The following TRPS1 variants were observed in gnomAD, a reference collection of about 807,000 sequenced individuals.
TRPS1 encodes the protein zinc finger transcription factor Trps1.
In TRPS1, 6 loss-of-function variants were observed where a neutral mutation model predicts 101.2. That is an observed-to-expected ratio of 0.06 (90% CI 0.03 to 0.12). TRPS1 has a LOEUF of 0.12. TRPS1 is among the 10% of genes least tolerant of loss of function. TRPS1 has a pLI of 1.00. For synonymous variants in TRPS1, 578 were observed against 589.8 expected (o/e 0.98, Z 0.29); for missense variants, 1,363 against 1,567.0 (o/e 0.87, Z 2.20).
intron 1 of TRPS1, among the ~76,000 whole-genome samples, chr8:115,663,721 G>GAAAA (rs1201864123): frequency 0.07 from 5,341 of 76,616 alleles, 335 homozygotes; most frequent in African/African-American, 0.17. Flanking sequence ...CTTGGAAAAG[G>GAAAA]AAAAAAAAAA....
intron 1 of TRPS1, among the ~76,000 whole-genome samples, chr8:115,646,676 T>G (rs972883902): frequency 6.6e-6 from 1 of 152,148 alleles, no homozygotes; most frequent in African/African-American, 2.4e-5. Flanking sequence ...GTGTTTCTGG[T>G]GCTGTGCTTT....
chr8:115,613,572 C>T (rs1818217123), intron 3 of TRPS1, among the ~76,000 whole-genome samples: 1 of 152,204 alleles, frequency 6.6e-6, no homozygotes. Context: ...CGTGGCCTGT[C>T]TATCATGGTT....
chr8:115,515,291 A>G lies in TRPS1; in HGVS notation c.2700+71710T>C, dbSNP rs1563567189. 4 of 697,058 alleles carry G rather than the reference A, an allele frequency of 5.7e-6. No individual in the cohort carries two copies. In the South Asian group the frequency reaches 5.9e-5, roughly 10 times the overall value. 43.2% of individuals were successfully genotyped at this position (697,058 alleles called of 1,614,324 possible). ...CCAAGCAGATTCAAAAACCTAATGC[A>G]GTAACACGAAGAAGTACAGTAAAAA... On this transcript the variant is annotated intron_variant, in intron 5 of 6. Coordinates refer to ENST00000395715, the MANE Select transcript of TRPS1 (RefSeq NM_014112.5).
chr8:115,604,729 T>A lies in TRPS1; in HGVS notation c.1240A>T (p.Ile414Leu). The A allele has an allele frequency of 6.2e-7, 1 of 1,613,910 alleles. No individual in the cohort carries two copies. Among genetic ancestry groups the A allele is most frequent in the South Asian group, 1.1e-5 (1 of 91,084 alleles). Residue 414 changes from isoleucine (I) to leucine (L), a missense_variant, in exon 4 of 7, where the codon ATA becomes TTA. Transcript: ENST00000395715. This position sits in a 1 kb window ranked among gnomAD's most constrained non-coding sequence, Gnocchi z 4.1. ...SGDLGKWQDK[I>L]TVKAGDDTPV... Reference sequence around the variant, plus strand: ...GTGTCATCTCCTGCTTTGACTGTTATCTTGTCCTGCCATTTTCCCAAGTCT... The same window carrying A: ...GTGTCATCTCCTGCTTTGACTGTTAACTTGTCCTGCCATTTTCCCAAGTCT...
chr8:115,611,432 A>G (rs992895023), intron 3 of TRPS1, among the ~76,000 whole-genome samples: 6 of 152,220 alleles, frequency 3.9e-5, no homozygotes, highest in African/African-American at 1.4e-4. Context: ...AAAAAGAATG[A>G]CATAGTCAAA....
chr8:115,651,281 T>C (rs1170378063), intron 1 of TRPS1, among the ~76,000 whole-genome samples: 2 of 152,182 alleles, frequency 1.3e-5, no homozygotes, highest in Admixed American at 1.3e-4. Flanking sequence ...TAAATGACAT[T>C]AATCGATAAA....
intron 5 of TRPS1, among the ~76,000 whole-genome samples, chr8:115,578,204 T>C (rs1201712594): frequency 1.3e-5 from 2 of 152,224 alleles, no homozygotes; most frequent in Non-Finnish European, 2.9e-5. Context: ...ATTTTTTGAA[T>C]CTATCATTAA....
At chr8:115,533,960 T>C (rs1471947726) in intron 5 of TRPS1, among the ~76,000 whole-genome samples, 1 of 152,102 alleles carries the variant, frequency 6.6e-6, no homozygotes, top group African/African-American at 2.4e-5. Context: ...AATTACATCT[T>C]AAAAGCCCCA....
chr8:115,509,970 T>C lies in TRPS1; in HGVS notation c.2700+77031A>G, dbSNP rs373380342. On this transcript the variant is annotated intron_variant, in intron 5 of 6. Coordinates refer to ENST00000395715, the MANE Select transcript of TRPS1 (RefSeq NM_014112.5). ...AATATTGCAGTAGGATTAACCTGCA[T>C]GAAACATTTTTCTCATTTGTAAACA... Among the ~76,000 whole-genome samples, 34 of 152,142 alleles carry C rather than the reference T, an allele frequency of 2.2e-4. No individual in the cohort carries two copies. In the East Asian group the frequency reaches 3.3e-3, roughly 15 times the overall value.
At chr8:115,513,790 A>G (rs1815641875) in intron 5 of TRPS1, among the ~76,000 whole-genome samples, 1 of 151,572 alleles carries the variant, frequency 6.6e-6, no homozygotes, top group South Asian at 2.1e-4. Context: ...GAGTCTCCTG[A>G]TCCTCTCAAC....
chr8:115,563,262 C>A (rs1333377747), intron 5 of TRPS1, among the ~76,000 whole-genome samples: 3 of 151,818 alleles, frequency 2.0e-5, no homozygotes, highest in Non-Finnish European at 4.4e-5. Context: ...TTTTCTTCTA[C>A]TTTTCTGTTG....
At chr8:115,581,322 G>A (rs1302935390) in intron 5 of TRPS1, among the ~76,000 whole-genome samples, 3 of 152,096 alleles carry the variant, frequency 2.0e-5, no homozygotes, top group Non-Finnish European at 4.4e-5. Flanking sequence ...TAGACGGGAG[G>A]AGTAAGTTTC....
At position 115,587,048 on chromosome 8, in the gene TRPS1, C is replaced by G. The variant is rs1269185456; in HGVS notation, c.2653G>C (p.Ala885Pro). The G allele has an allele frequency of 2.5e-6, 4 of 1,614,180 alleles. No homozygotes were observed. Among genetic ancestry groups the G allele is most frequent in the Non-Finnish European group, 3.4e-6 (4 of 1,180,030 alleles). The change falls in exon 5 of 7, where the codon GCA (alanine) becomes CCA (proline). Residue 885 changes from alanine (A) to proline (P), a missense_variant. Around this residue, in one of 5 missense-constraint regions of TRPS1, gnomAD observed 1,020 missense variants for 1,073.0 expected, o/e 0.95. Transcript: ENST00000395715. ...TCCTTGGACTTGTTTTCTCCCGATGCAGGATACTGCTGGGGGAGGGCCCCA... is the reference window on the plus strand; with the variant it reads ...TCCTTGGACTTGTTTTCTCCCGATGGAGGATACTGCTGGGGGAGGGCCCCA... ...KSGALPQQYP[A>P]SGENKSKDES...
At chr8:115,422,208 A>G in intron 5 of TRPS1, among the ~76,000 whole-genome samples, 1 of 128,184 alleles carries the variant, frequency 7.8e-6, no homozygotes, top group South Asian at 2.2e-4. Flanking sequence ...TATTTTTAGA[A>G]AAAAAAAATA....
Position 115,411,890 on chromosome 8 carries a change from C to G in TRPS1, c.*2133G>C, listed in dbSNP as rs752483401. The G allele has an allele frequency of 2.6e-5, 4 of 152,212 alleles. No homozygotes were observed. The highest frequency in any genetic ancestry group is 6.6e-5 in the Admixed American group (1 of 15,186). The allele number at this position is 152,212 out of a possible 1,614,324, so 9.4% of individuals were successfully genotyped here. ...TTAACTTCATTCGCTACAACAGTCA[C>G]GAACTGGTTGAACTCTACCTGCCAT... is the stretch of plus-strand genomic sequence containing the variant. On this transcript the variant is annotated 3_prime_UTR_variant, in exon 7 of 7. Transcript: ENST00000395715.
intron 1 of TRPS1, among the ~76,000 whole-genome samples, chr8:115,660,845 T>C (rs1029490237): frequency 3.9e-5 from 6 of 152,002 alleles, no homozygotes; most frequent in Admixed American, 2.0e-4. Flanking sequence ...ATTGTGTTGC[T>C]TGATGAAATA....
chr8:115,432,204 G>A (rs1813336663), intron 5 of TRPS1, among the ~76,000 whole-genome samples: 1 of 6,752 alleles, frequency 1.5e-4, no homozygotes. Flanking sequence ...GGCAGAATCA[G>A]TAAATCAATG....
At position 115,409,926 on chromosome 8, in the gene TRPS1, T is replaced by TC. The variant is rs1812750049; in HGVS notation, c.*4096_*4097insG. On this transcript the variant is annotated 3_prime_UTR_variant, in exon 7 of 7. Transcript: ENST00000395715. ...ACGACTTGATCTTTTTTTCTTTTTT[T>TC]TTTTTTGCCATGGCTCTCAAACCAA... 1 of 151,724 alleles carries TC rather than the reference T, an allele frequency of 6.6e-6. No homozygotes were observed. The highest frequency in any genetic ancestry group is 1.5e-5 in the Non-Finnish European group (1 of 67,818). The allele number at this position is 151,724 out of a possible 1,614,324, so 9.4% of individuals were successfully genotyped here.
chr8:115,667,542 A>AC (rs1198380820), intron 1 of TRPS1, among the ~76,000 whole-genome samples: 5 of 152,146 alleles, frequency 3.3e-5, no homozygotes, highest in Non-Finnish European at 7.4e-5. Flanking sequence ...GACCCGCGCG[A>AC]CACATGGCGC....
Sources: allele counts gnomAD v4.1 joint callset (sites outside exome capture counted in the v4.1 genomes callset), GRCh38; gene constraint gnomAD v4.1.1; regional missense constraint gnomAD v4.1.1; non-coding constraint Gnocchi (gnomAD v3.1); transcripts MANE v1.5; gene names NCBI Gene and HGNC (gene_info 2026-07-23, HGNC 2026-07-21).